GTF2IRD1: variants seen among roughly 807,000 people sequenced by gnomAD.
The protein encoded by GTF2IRD1 is GTF2I repeat domain containing 1.
A neutral mutation model predicts 113.2 loss-of-function variants in GTF2IRD1; 26 were observed. The observed-to-expected ratio is 0.23, with a 90% CI of 0.17 to 0.32. The LOEUF (loss-of-function observed/expected upper bound fraction) is 0.32. Ranked by LOEUF, GTF2IRD1 falls within the 10% of genes least tolerant of loss-of-function variation. The pLI is 1.00. For synonymous variants in GTF2IRD1, 484 were observed against 529.1 expected (o/e 0.91, Z 1.17); for missense variants, 864 against 1,280.8 (o/e 0.67, Z 4.97).
intron 4 of GTF2IRD1, 128 bp downstream of exon 4, chr7:74,515,724 C>T (rs1554344517): frequency 2.8e-6 from 2 of 718,028 alleles, no homozygotes; most frequent in African/African-American, 1.8e-5. Context: ...AGGCATGGGG[C>T]TACTGGCTAC....
chr7:74,500,794 G>A (rs1461990657), intron 1 of GTF2IRD1, among the ~76,000 whole-genome samples: 1 of 152,016 alleles, frequency 6.6e-6, no homozygotes, highest in Admixed American at 6.6e-5. Flanking sequence ...CATGATCACA[G>A]TTCTCTGTAG....
intron 1 of GTF2IRD1, among the ~76,000 whole-genome samples, chr7:74,471,366 G>A (rs932650149): frequency 6.6e-6 from 1 of 151,934 alleles, no homozygotes; most frequent in African/African-American, 2.4e-5. Flanking sequence ...AAAATTAGCC[G>A]GGTGTGGTGG....
At chr7:74,506,108 G>A (rs1023015801) in intron 1 of GTF2IRD1, 21 of 152,188 alleles carry the variant, frequency 1.4e-4, no homozygotes, top group African/African-American at 4.8e-4. Context: ...GGCCAGAGCC[G>A]AGCTCTGATG....
At chr7:74,562,079 G>A (rs1800000107) in intron 22 of GTF2IRD1, among the ~76,000 whole-genome samples, 1 of 152,246 alleles carries the variant, frequency 6.6e-6, no homozygotes, top group South Asian at 2.1e-4. Flanking sequence ...AGGCTCCTGG[G>A]AGTCTCTGAG....
chr7:74,492,771 CG>C (rs1562798830), intron 1 of GTF2IRD1, among the ~76,000 whole-genome samples: 1 of 151,860 alleles, frequency 6.6e-6, no homozygotes, highest in Non-Finnish European at 1.5e-5. Context: ...CAGAGGCTCT[CG>C]GGGGGAATCT....
intron 22 of GTF2IRD1, among the ~76,000 whole-genome samples, chr7:74,568,647 C>CAAA (rs1463758724): frequency 2.0e-5 from 3 of 149,344 alleles, no homozygotes; most frequent in South Asian, 2.1e-4. Context: ...GACTCTGTCT[C>CAAA]AAAAAAGAAG....
chr7:74,480,931 A>C (rs1207061514), intron 1 of GTF2IRD1, among the ~76,000 whole-genome samples: 2 of 152,048 alleles, frequency 1.3e-5, no homozygotes, highest in Non-Finnish European at 2.9e-5. Context: ...AGCCTAGATG[A>C]AGGGCAGATG....
chr7:74,540,414 G>A (rs1331823426), intron 14 of GTF2IRD1, among the ~76,000 whole-genome samples: 1 of 151,952 alleles, frequency 6.6e-6, no homozygotes, highest in Non-Finnish European at 1.5e-5. Context: ...CCAAAGTGCT[G>A]GGATTACAGG....
intron 4 of GTF2IRD1, among the ~76,000 whole-genome samples, chr7:74,516,663 T>A (rs1360384104): frequency 6.6e-6 from 1 of 152,162 alleles, no homozygotes; most frequent in African/African-American, 2.4e-5. Context: ...GAAGGAGGGG[T>A]ACCCAGAGGC....
chr7:74,501,561 CT>C (rs371437283), intron 1 of GTF2IRD1, among the ~76,000 whole-genome samples: 74 of 152,296 alleles, frequency 4.9e-4, no homozygotes, highest in African/African-American at 1.4e-3. Context: ...TTGGCACTTA[CT>C]TTTTTGGCTC....
intron 8 of GTF2IRD1, among the ~76,000 whole-genome samples, chr7:74,525,327 T>G (rs977405168): frequency 6.6e-6 from 1 of 152,062 alleles, no homozygotes; most frequent in Non-Finnish European, 1.5e-5. Context: ...CTGTGACACA[T>G]TGGGAACTTG....
chr7:74,581,923 C>A (rs1554366254), intron 22 of GTF2IRD1, among the ~76,000 whole-genome samples: 3 of 152,154 alleles, frequency 2.0e-5, no homozygotes, highest in Non-Finnish European at 4.4e-5. Context: ...TGGAGGATGG[C>A]TTCAGCTCAG....
chr7:74,575,378 G>A (rs587775379), intron 22 of GTF2IRD1, among the ~76,000 whole-genome samples: 2 of 152,296 alleles, frequency 1.3e-5, no homozygotes, highest in Admixed American at 6.5e-5. Flanking sequence ...GATGGAGATG[G>A]ACAGGGAAGA....
At chr7:74,471,967 A>G (rs1794139266) in intron 1 of GTF2IRD1, among the ~76,000 whole-genome samples, 1 of 152,088 alleles carries the variant, frequency 6.6e-6, no homozygotes, top group South Asian at 2.1e-4. Flanking sequence ...TCTCCAGCCT[A>G]GGCGACAGAA....
At chr7:74,477,684 C>T (rs1021401808) in intron 1 of GTF2IRD1, among the ~76,000 whole-genome samples, 2 of 152,046 alleles carry the variant, frequency 1.3e-5, no homozygotes, top group Non-Finnish European at 2.9e-5. Context: ...GCATAGCCTG[C>T]CCTGGGACAC....
At chr7:74,481,016 C>A (rs1794713195) in intron 1 of GTF2IRD1, among the ~76,000 whole-genome samples, 1 of 152,190 alleles carries the variant, frequency 6.6e-6, no homozygotes, top group Non-Finnish European at 1.5e-5. Flanking sequence ...TCCCTCACTT[C>A]CCCTTGGAAG....
intron 6 of GTF2IRD1, among the ~76,000 whole-genome samples, chr7:74,519,982 C>T (rs1554345588): frequency 6.8e-6 from 1 of 147,914 alleles, no homozygotes; most frequent in Non-Finnish European, 1.5e-5. Flanking sequence ...CCCAGCTACT[C>T]GGGAGGCTGA....
chr7:74,455,452 C>T (rs1792905668), intron 1 of GTF2IRD1, among the ~76,000 whole-genome samples: 1 of 152,214 alleles, frequency 6.6e-6, no homozygotes, highest in African/African-American at 2.4e-5. Flanking sequence ...GGCCCGGGGC[C>T]TTGGGACTTG....
chr7:74,491,313 T>TC (rs1374316243), intron 1 of GTF2IRD1, among the ~76,000 whole-genome samples: 1 of 112,686 alleles, frequency 8.9e-6, no homozygotes, highest in Non-Finnish European at 1.8e-5. Context: ...AAAAAATTCT[T>TC]TTTTTTTTTT....
Sources: allele counts gnomAD v4.1 joint callset (sites outside exome capture counted in the v4.1 genomes callset), GRCh38; gene constraint gnomAD v4.1.1; transcripts MANE v1.5; gene names NCBI Gene and HGNC (gene_info 2026-07-23, HGNC 2026-07-21).